The following RSPO2 variants were observed in gnomAD, a reference collection of about 807,000 sequenced individuals.
RSPO2 encodes R-spondin 2, also known as R-spondin-2.
A neutral mutation model predicts 30.9 loss-of-function variants in RSPO2; 14 were observed. That is an observed-to-expected ratio of 0.45 (90% CI 0.30 to 0.71). The LOEUF (loss-of-function observed/expected upper bound fraction) is 0.71. Ranked by LOEUF, RSPO2 falls within the 30% of genes least tolerant of loss-of-function variation. The probability of loss-of-function intolerance (pLI) is 0.08; values close to 1 mark genes in which losing one functional copy is unlikely to be tolerated. For missense variants in RSPO2, 264 were observed against 301.9 expected (o/e 0.87, Z 0.93); for synonymous variants, 107 against 96.4 (o/e 1.11, Z -0.64).
At chr8:107,901,228 G>T in intron 5 of RSPO2, 38 bp from the exon 6 acceptor site, 1 of 1,575,032 alleles carries the variant, frequency 6.3e-7, no homozygotes, top group Non-Finnish European at 8.6e-7. Context: ...TGTCAGAAAT[G>T]GCTCTTTCTC....
intron 2 of RSPO2, among the ~76,000 whole-genome samples, chr8:108,064,724 G>A (rs1004194488): frequency 1.3e-5 from 2 of 152,118 alleles, no homozygotes; most frequent in Non-Finnish European, 2.9e-5. Flanking sequence ...ACATGCACAC[G>A]TATGTTTATT....
chr8:108,019,826 T>G (rs1473724632), intron 2 of RSPO2, among the ~76,000 whole-genome samples: 1 of 152,180 alleles, frequency 6.6e-6, no homozygotes, highest in African/African-American at 2.4e-5. Flanking sequence ...TTTCCAAATG[T>G]TCTTTAAAAG....
In RSPO2 at chr8:107,968,275, G is replaced by C. The variant is rs1238661969; in HGVS notation, c.284-7458C>G. On this transcript the variant is annotated intron_variant, in intron 3 of 5. Transcript: ENST00000276659. ...AGAATGTTATTCAGCTATAAAACTA[G>C]AATGAAATCCTGTCATTTCCAGTGC... 2.0e-5 allele frequency among the ~76,000 whole-genome samples: 3 copies of C among 152,074 alleles called. No homozygotes were observed. In the East Asian group the frequency reaches 5.8e-4, roughly 29 times the overall value.
intron 2 of RSPO2, among the ~76,000 whole-genome samples, chr8:108,004,559 A>T (rs970269804): frequency 2.6e-5 from 4 of 152,216 alleles, no homozygotes; most frequent in African/African-American, 9.6e-5. Flanking sequence ...CTTATTGACC[A>T]TGAGTCTCCT....
chr8:108,060,258 C>A (rs1812408858), intron 2 of RSPO2, among the ~76,000 whole-genome samples: 1 of 151,618 alleles, frequency 6.6e-6, no homozygotes, highest in Non-Finnish European at 1.5e-5. Flanking sequence ...GAAGTTCGAA[C>A]CCATCACAAA....
intron 4 of RSPO2, 24 bp from the exon 5 acceptor site, chr8:107,958,292 A>T: frequency 6.4e-7 from 1 of 1,564,064 alleles, no homozygotes; most frequent in Non-Finnish European, 8.8e-7. Context: ...TTAGAAAAAG[A>T]AAAAAAAACA....
intron 2 of RSPO2, chr8:108,081,840 G>C (rs429315): frequency 7.6e-6 from 7 of 917,134 alleles, no homozygotes; most frequent in Non-Finnish European, 9.1e-6. Flanking sequence ...TGGAGAGAGC[G>C]AAGTGGGGCC....
At chr8:107,911,612 G>A (rs923788421) in intron 5 of RSPO2, among the ~76,000 whole-genome samples, 3 of 152,090 alleles carry the variant, frequency 2.0e-5, no homozygotes, top group Non-Finnish European at 4.4e-5. Context: ...CTAAATAAAC[G>A]ATAGCGCTAT....
intron 2 of RSPO2, among the ~76,000 whole-genome samples, chr8:108,034,962 CTATCA>C (rs1430466610): frequency 1.3e-5 from 2 of 152,188 alleles, no homozygotes; most frequent in East Asian, 1.9e-4. Flanking sequence ...GCTTTCCATC[CTATCA>C]TAACACATAA....
At chr8:108,071,097 T>C (rs1812831242) in intron 2 of RSPO2, among the ~76,000 whole-genome samples, 2 of 152,158 alleles carry the variant, frequency 1.3e-5, no homozygotes, top group South Asian at 4.1e-4. Context: ...TGAACAGTTA[T>C]TCATCTGAGT....
intron 5 of RSPO2, among the ~76,000 whole-genome samples, chr8:107,928,569 G>A (rs1230021496): frequency 6.6e-6 from 1 of 152,158 alleles, no homozygotes; most frequent in Non-Finnish European, 1.5e-5. Context: ...TGTATGGAAT[G>A]TTTAAAAGTG....
intron 3 of RSPO2, among the ~76,000 whole-genome samples, chr8:107,987,753 C>A (rs975302187): frequency 6.6e-6 from 1 of 152,092 alleles, no homozygotes; most frequent in African/African-American, 2.4e-5. Flanking sequence ...ATTTAACCAG[C>A]CCCCACTAGT....
At chr8:107,987,517 G>A (rs918133461) in intron 3 of RSPO2, among the ~76,000 whole-genome samples, 6 of 152,094 alleles carry the variant, frequency 3.9e-5, no homozygotes, top group Admixed American at 2.6e-4. Flanking sequence ...GCTCTTCCAC[G>A]AAGTGTTTAA....
chr8:107,920,685 T>C (rs1812134951), intron 5 of RSPO2, among the ~76,000 whole-genome samples: 1 of 152,162 alleles, frequency 6.6e-6, no homozygotes, highest in South Asian at 2.1e-4. Context: ...CCAGAAAGAC[T>C]TTATTTTAGA....
At chr8:107,921,735 A>G (rs1812181519) in intron 5 of RSPO2, among the ~76,000 whole-genome samples, 1 of 152,132 alleles carries the variant, frequency 6.6e-6, no homozygotes, top group South Asian at 2.1e-4. Flanking sequence ...AATCCAAAGC[A>G]TATCAAACAG....
intron 2 of RSPO2, among the ~76,000 whole-genome samples, chr8:108,063,878 A>G (rs990792978): frequency 6.6e-6 from 1 of 152,212 alleles, no homozygotes; most frequent in Non-Finnish European, 1.5e-5. Flanking sequence ...AATGCCACAC[A>G]TCTGCAACCA....
chr8:108,045,798 CAT>C (rs1214151388), intron 2 of RSPO2, among the ~76,000 whole-genome samples: 2 of 152,104 alleles, frequency 1.3e-5, no homozygotes, highest in Non-Finnish European at 2.9e-5. Flanking sequence ...CAGGGGAAAA[CAT>C]GTGAACAATT....
chr8:108,075,642 C>G (rs1812986365), intron 2 of RSPO2, among the ~76,000 whole-genome samples: 1 of 151,248 alleles, frequency 6.6e-6, no homozygotes, highest in African/African-American at 2.4e-5. Context: ...GAAGAGACTT[C>G]AGAATGAGTA....
At chr8:108,023,838 G>C (rs959039811) in intron 2 of RSPO2, among the ~76,000 whole-genome samples, 3 of 152,130 alleles carry the variant, frequency 2.0e-5, no homozygotes, top group Admixed American at 6.5e-5. Context: ...ATCCTGTATG[G>C]GGAGGAGGAA....
Sources: allele counts gnomAD v4.1 joint callset (sites outside exome capture counted in the v4.1 genomes callset), GRCh38; gene constraint gnomAD v4.1.1; transcripts MANE v1.5; gene names NCBI Gene and HGNC (gene_info 2026-07-23, HGNC 2026-07-21).